PSG4: variants seen among roughly 807,000 people sequenced by gnomAD.
PSG4 encodes pregnancy-specific beta-1-glycoprotein 4.
In PSG4, 61 loss-of-function variants were observed where a neutral mutation model predicts 44.3. That is an observed-to-expected ratio of 1.38 (90% CI 1.12 to 1.70). PSG4 has a LOEUF of 1.70. Among genes scored for constraint, PSG4 ranks in the 40% most tolerant of loss-of-function variants. The pLI is 0.00. For missense variants in PSG4, 677 were observed against 511.7 expected, an observed-to-expected ratio of 1.32 and a Z score of -3.12; for synonymous variants, 248 against 191.3, an observed-to-expected ratio of 1.30 and a Z score of -2.45.
chr19:43,205,111 C>CTTTTCTTTTTTTTTT (rs1967717220), intron 1 of PSG4, among the ~76,000 whole-genome samples: 1 of 90,852 alleles, frequency 1.1e-5, no homozygotes, highest in Non-Finnish European at 1.9e-5. Context: ...TTCCTTTTTT[C>CTTTTCTTTTTTTTTT]TTTTTTTTTT....
intron 3 of PSG4, among the ~76,000 whole-genome samples, chr19:43,195,476 C>G (rs1967202960): frequency 6.6e-6 from 1 of 151,424 alleles, no homozygotes; most frequent in Non-Finnish European, 1.5e-5. Context: ...TTTAGGGAGG[C>G]ACAGACTTTC....
chr19:43,195,201 G>A lies in PSG4; in HGVS notation c.782C>T (p.Thr261Ile), dbSNP rs752296149. The A allele has an allele frequency of 1.1e-5, 18 of 1,610,046 alleles. 1 individual carries two copies. The highest frequency in any genetic ancestry group is 1.4e-5 in the Non-Finnish European group (16 of 1,178,962). The change falls in exon 4 of 6, where the codon ACC (threonine) becomes ATC (isoleucine). Residue 261 changes from threonine (T) to isoleucine (I), a missense_variant. Coordinates refer to ENST00000405312, the MANE Select transcript of PSG4 (RefSeq NM_002780.5). ...GTAGTTCTTACTCTTAGGTTCACAG[G>A]TGAAGGTTAAGACATCCTTATTCTC... is the stretch of plus-strand genomic sequence containing the variant. ...PRENKDVLTF[T>I]CEPKSKNYTY...
At chr19:43,198,763 G>T (rs1310509969) in intron 2 of PSG4, 1 of 159,418 alleles carries the variant, frequency 6.3e-6, no homozygotes, top group Non-Finnish European at 1.3e-5. Flanking sequence ...TGGAAAGCCT[G>T]ACCTGGGACT....
rs368484256 is a variant in PSG4, at chr19:43,194,456, C to A, written c.1127G>T (p.Gly376Val). 6 of 1,612,300 alleles carry A rather than the reference C, an allele frequency of 3.7e-6. No individual in the cohort carries two copies. The highest frequency in any genetic ancestry group is 1.3e-5 in the African/African-American group (1 of 74,520). ...TATTTGGGGGATAGAGAGCTTTTGT[C>A]CTGATAGCTGAAACTTCCCATTAAT... The part of the protein sequence containing the change: ...WTINGKFQLS[G>V]QKLSIPQITT... The change falls in exon 5 of 6, where the codon GGA (glycine) becomes GTA (valine). Residue 376 changes from glycine to valine, a missense_variant. Transcript: ENST00000405312.
chr19:43,203,977 C>T lies in PSG4; in HGVS notation c.339G>A (p.Thr113=), dbSNP rs372928608. 139 of 1,587,624 alleles carry T rather than the reference C, an allele frequency of 8.8e-5. 10 individuals are homozygous for T. Among genetic ancestry groups the T allele is most frequent in the Middle Eastern group, 1.7e-4 (1 of 5,990 alleles). ...AGGTGTAGGATCCTGCATCCTCCTG[C>T]GTGACATTCTGGATCAGCAGGGATG... The part of the protein sequence containing the change: ...SNASLLIQNV[T]QEDAGSYTLH... The change falls in exon 2 of 6, where the codon ACG becomes ACA. Residue 113 remains threonine, a synonymous_variant. Transcript: ENST00000405312.
At position 43,200,213 on chromosome 19, in the gene PSG4, G is replaced by C. The variant is rs1967440634; in HGVS notation, c.431-1938C>G. Among the ~76,000 whole-genome samples the C allele has an allele frequency of 2.8e-5, 4 of 144,702 alleles. 1 individual carries two copies. Among genetic ancestry groups the C allele is most frequent in the Non-Finnish European group, 6.0e-5 (4 of 67,008 alleles). 94.9% of individuals were successfully genotyped at this position (144,702 alleles called of 152,430 possible). ...TGGCTCGTGTGTCTGCCCACGTGAAGAAATCCAACTTATGAAAATGGCATC... is the reference window on the plus strand; with the variant it reads ...TGGCTCGTGTGTCTGCCCACGTGAACAAATCCAACTTATGAAAATGGCATC... On this transcript the variant is annotated intron_variant, in intron 2 of 5. Coordinates refer to ENST00000405312, the MANE Select transcript of PSG4 (RefSeq NM_002780.5).
intron 3 of PSG4, 100 bp downstream of exon 3, chr19:43,197,897 G>T (rs1237392566): frequency 2.5e-6 from 4 of 1,576,080 alleles, no homozygotes; most frequent in African/African-American, 1.5e-5. Flanking sequence ...TAGGGGTAAA[G>T]GTCTCTGTAC....
In PSG4 at chr19:43,203,858, C is replaced by T. The variant is rs749299141; in HGVS notation, c.430+28G>A. Reference sequence around the variant, plus strand: ...AGTAGAAGTGACCCCTGTCCCCCAACACCCAGGGATCATGTGGAATCACTC... The same window carrying T: ...AGTAGAAGTGACCCCTGTCCCCCAATACCCAGGGATCATGTGGAATCACTC... On this transcript the variant is annotated intron_variant, in intron 2 of 5. Coordinates refer to ENST00000405312, the MANE Select transcript of PSG4 (RefSeq NM_002780.5). 7.6e-6 allele frequency: 12 copies of T among 1,570,142 alleles called. 2 individuals carry two copies. Among genetic ancestry groups the T allele is most frequent in the African/African-American group, 4.3e-5 (3 of 69,048 alleles).
intron 1 of PSG4, 27 bp downstream of exon 1, chr19:43,205,446 T>A (rs1244708919): frequency 6.6e-7 from 1 of 1,516,786 alleles, no homozygotes; most frequent in Non-Finnish European, 8.9e-7. Context: ...CCTCCTCCTG[T>A]CCTCTCCCAG....
rs749563398 is a variant in PSG4 at position 43,194,502 on chromosome 19, G to A, written c.1081C>T (p.Arg361Trp). The change falls in exon 5 of 6, where the codon CGG becomes TGG. Residue 361 changes from arginine to tryptophan, a missense_variant. Coordinates refer to ENST00000405312, the MANE Select transcript of PSG4 (RefSeq NM_002780.5). ...TTAATTGTCCAAGAATATTGTGCCC[G>A]TGGGTTAGACTCGGCGAAGCAGGAC... ...YLSCFAESNP[R>W]AQYSWTINGK... is the part of the protein sequence containing the mutation. 3.0e-5 allele frequency: 49 copies of A among 1,612,548 alleles called. No homozygotes were observed. The highest frequency in any genetic ancestry group is 3.3e-4 in the Middle Eastern group (2 of 6,052).
At chr19:43,194,046 A>G in intron 5 of PSG4, 6 of 1,111,456 alleles carry the variant, frequency 5.4e-6, no homozygotes, top group Non-Finnish European at 7.6e-6. Context: ...TTAAAGAATC[A>G]GCAAATTTTC....
At chr19:43,198,486 T>C in intron 2 of PSG4, 1 of 947,914 alleles carries the variant, frequency 1.1e-6, no homozygotes, top group Non-Finnish European at 1.4e-6. Context: ...GCACAGACTT[T>C]CTTAGGTGTG....
At chr19:43,204,274 G>C in intron 1 of PSG4, 23 bp from the exon 2 acceptor site, 1 of 1,547,494 alleles carries the variant, frequency 6.5e-7, no homozygotes, top group Non-Finnish European at 8.7e-7. Flanking sequence ...GAGAGCATCA[G>C]TTAATATTGA....
rs372185272 is a variant in PSG4 at position 43,200,170 on chromosome 19, G to T, written c.431-1895C>A. 1.1e-3 allele frequency among the ~76,000 whole-genome samples: 161 copies of T among 145,460 alleles called. 23 individuals carry two copies. The highest frequency in any genetic ancestry group is 4.1e-3 in the African/African-American group (154 of 37,954). On this transcript the variant is annotated intron_variant, in intron 2 of 5. Coordinates refer to ENST00000405312, the MANE Select transcript of PSG4 (RefSeq NM_002780.5). ...TTTAAGTTTGTGTGAAATAGGAAGA[G>T]TCTAAGTGAGATGCCAATGGCTCGT... is the stretch of plus-strand genomic sequence containing the variant.
chr19:43,194,816 A>T, intron 4 of PSG4, 179 bp downstream of exon 4: 1 of 1,439,080 alleles, frequency 6.9e-7, no homozygotes, highest in East Asian at 2.3e-5. Flanking sequence ...CCCTCCCCTT[A>T]TATTCTTGGT....
Position 43,201,427 on chromosome 19 carries a change from G to T in PSG4, c.430+2459C>A. ...CATTTGGCAAGAGTTTACAAAATTT[G>T]TAACTAATTGCTCCTATAGATAACA... is the stretch of plus-strand genomic sequence containing the variant. On this transcript the variant is annotated intron_variant, in intron 2 of 5. Coordinates refer to ENST00000405312, the MANE Select transcript of PSG4 (RefSeq NM_002780.5). Among the ~76,000 whole-genome samples the T allele has an allele frequency of 1.4e-5, 2 of 145,312 alleles. 1 individual carries two copies. The highest frequency in any genetic ancestry group is 3.0e-5 in the Non-Finnish European group (2 of 67,138).
At chr19:43,205,384 C>T (rs996328732) in intron 1 of PSG4, 89 bp downstream of exon 1, 30 of 1,401,136 alleles carry the variant, frequency 2.1e-5, no homozygotes, top group East Asian at 7.6e-5. Context: ...TGGCTTCTTT[C>T]ATTTTTCAGA....
At chr19:43,196,701 C>T (rs1215353163) in intron 3 of PSG4, 1 of 151,344 alleles carries the variant, frequency 6.6e-6, no homozygotes. Flanking sequence ...ATGCTGCACT[C>T]ATATATTTTT....
At position 43,198,883 on chromosome 19, in the gene PSG4, G is replaced by A. The variant is rs544740271; in HGVS notation, c.431-608C>T. The A allele has an allele frequency of 3.0e-4, 45 of 149,700 alleles. 3 individuals carry two copies. The highest frequency in any genetic ancestry group is 8.1e-4 in the South Asian group (4 of 4,960). 9.3% of individuals were successfully genotyped at this position (149,700 alleles called of 1,614,324 possible). A position where few individuals can be genotyped will look rare whatever the true frequency, so the allele number is the denominator to read the frequency against. ...GGCGCAGTTTTCCCAGGTGTCTCAT[G>A]GTGACTGACTTGAGCCAGTGACCTC... On this transcript the variant is annotated intron_variant, in intron 2 of 5. Coordinates refer to ENST00000405312, the MANE Select transcript of PSG4 (RefSeq NM_002780.5).
Sources: gnomAD v4.1 joint callset for allele counts (sites outside exome capture counted in the v4.1 genomes callset) on GRCh38, gnomAD v4.1.1 for gene constraint, MANE v1.5 for transcripts, NCBI Gene and HGNC (gene_info 2026-07-23, HGNC 2026-07-21) for gene names.